Variants in AXDND1 observed in about 807,000 individuals in gnomAD.
AXDND1 encodes the protein axonemal dynein light chain domain containing 1.
AXDND1 carries 110 observed loss-of-function variants against 137.5 expected under a neutral mutation model. The observed-to-expected ratio is 0.80, with a 90% CI of 0.69 to 0.94. The LOEUF is 0.94. Ranked by LOEUF, AXDND1 falls within the 40% of genes least tolerant of loss-of-function variation. The pLI, the probability that AXDND1 is intolerant of heterozygous loss-of-function variation, is 0.00. For synonymous variants in AXDND1, 414 were observed against 399.7 expected (o/e 1.04, Z -0.43); for missense variants, 1,191 against 1,169.8 (o/e 1.02, Z -0.26).
chr1:179,491,330 G>A (rs1666873235), intron 18 of AXDND1, among the ~76,000 whole-genome samples: 1 of 151,906 alleles, frequency 6.6e-6, no homozygotes, highest in South Asian at 2.1e-4. Context: ...TAAATAAATA[G>A]ATATCAATAA....
At position 179,491,518 on chromosome 1, in the gene AXDND1, T is replaced by G. The variant is rs755652190; in HGVS notation, c.2092-20T>G. On this transcript the variant is annotated intron_variant, in intron 18 of 25. Transcript: ENST00000367618. ...ATTTATTTAAAGTGGGTCATTTGTA[T>G]TATACTCATTTTTTAACAGATGGAT... The G allele has an allele frequency of 4.6e-5, 69 of 1,513,092 alleles. No homozygotes were observed. Among genetic ancestry groups the G allele is most frequent in the Non-Finnish European group, 1.5e-5 (16 of 1,096,532 alleles). 93.7% of individuals were successfully genotyped at this position (1,513,092 alleles called of 1,614,324 possible).
intron 11 of AXDND1, among the ~76,000 whole-genome samples, chr1:179,401,062 C>G (rs1024215884): frequency 4.6e-5 from 7 of 151,220 alleles, no homozygotes; most frequent in Non-Finnish European, 7.4e-5. Flanking sequence ...AGTTCGAGAC[C>G]AGCCTGACCA....
intron 21 of AXDND1, among the ~76,000 whole-genome samples, chr1:179,510,996 GT>G (rs1668989160): frequency 6.7e-6 from 1 of 149,956 alleles, no homozygotes; most frequent in Admixed American, 6.7e-5. Context: ...AACATATGGT[GT>G]TTCGTTTTCC....
At chr1:179,418,341 G>T (rs2125251294) in intron 12 of AXDND1, among the ~76,000 whole-genome samples, 1 of 152,316 alleles carries the variant, frequency 6.6e-6, no homozygotes, top group East Asian at 1.9e-4. Flanking sequence ...CAAGGCAGAA[G>T]AATTTTTCTT....
intron 12 of AXDND1, among the ~76,000 whole-genome samples, chr1:179,418,701 C>A (rs1184998620): frequency 1.3e-5 from 2 of 151,006 alleles, no homozygotes; most frequent in Non-Finnish European, 3.0e-5. Flanking sequence ...GACGGGGCGG[C>A]TGGCCGGGCG....
At chr1:179,390,094 A>C (rs1649911088) in intron 9 of AXDND1, among the ~76,000 whole-genome samples, 1 of 151,738 alleles carries the variant, frequency 6.6e-6, no homozygotes, top group South Asian at 2.1e-4. Flanking sequence ...GCTCACTGCA[A>C]CCTCTGCCTC....
At chr1:179,523,424 A>G (rs550395060) in intron 21 of AXDND1, among the ~76,000 whole-genome samples, 1 of 152,330 alleles carries the variant, frequency 6.6e-6, no homozygotes, top group South Asian at 2.1e-4. Context: ...TGTACAATTC[A>G]GTAATAGTTT....
At chr1:179,414,431 A>T (rs1340711654) in intron 12 of AXDND1, among the ~76,000 whole-genome samples, 9 of 151,450 alleles carry the variant, frequency 5.9e-5, no homozygotes, top group African/African-American at 2.2e-4. Flanking sequence ...TTATTTATTT[A>T]TTTATTTTTT....
At chr1:179,376,503 C>T (rs1045026171) in intron 4 of AXDND1, among the ~76,000 whole-genome samples, 3 of 152,158 alleles carry the variant, frequency 2.0e-5, no homozygotes, top group Admixed American at 6.5e-5. Context: ...TTCAGTTTGC[C>T]GAAGTCACCA....
chr1:179,525,273 G>A, intron 21 of AXDND1, 61 bp from the exon 22 acceptor site: 1 of 1,478,738 alleles, frequency 6.8e-7, no homozygotes, highest in South Asian at 1.3e-5. Flanking sequence ...TAAATATTTT[G>A]AACAAATAAT....
intron 15 of AXDND1, among the ~76,000 whole-genome samples, chr1:179,442,189 C>T (rs983651441): frequency 3.9e-5 from 6 of 152,122 alleles, no homozygotes; most frequent in Non-Finnish European, 8.8e-5. Flanking sequence ...CAAACGAGGC[C>T]GTACAGATGT....
chr1:179,389,437 C>A (rs994028081), intron 9 of AXDND1, among the ~76,000 whole-genome samples: 3 of 152,104 alleles, frequency 2.0e-5, no homozygotes, highest in Non-Finnish European at 4.4e-5. Context: ...GCCATGGGAT[C>A]CTCAGGGCAT....
chr1:179,511,182 G>T (rs1191669273), intron 21 of AXDND1, among the ~76,000 whole-genome samples: 2 of 151,042 alleles, frequency 1.3e-5, no homozygotes, highest in African/African-American at 4.9e-5. Context: ...AAAAAAAAAA[G>T]TTTCTCCAGT....
intron 17 of AXDND1, among the ~76,000 whole-genome samples, chr1:179,475,605 G>A (rs568226634): frequency 4.7e-4 from 71 of 152,318 alleles, no homozygotes; most frequent in African/African-American, 1.7e-3. Context: ...TACCTGCATT[G>A]TATCTTGGAA....
Position 179,376,504 on chromosome 1 carries a change from G to A in AXDND1, c.375-2133G>A, listed in dbSNP as rs1490629622. On this transcript the variant is annotated intron_variant, in intron 4 of 25. Transcript: ENST00000367618. ...AACTATACTACATTTTCAGTTTGCCGAAGTCACCATGTGCTGTTGTGTCTC... is the reference window on the plus strand; with the variant it reads ...AACTATACTACATTTTCAGTTTGCCAAAGTCACCATGTGCTGTTGTGTCTC... Among the ~76,000 whole-genome samples the A allele has an allele frequency of 3.9e-5, 6 of 152,270 alleles. No homozygotes were observed. The South Asian group carries it at 6.2e-4, about 16-fold the overall frequency.
Position 179,370,073 on chromosome 1 carries a change from T to A in AXDND1, c.369T>A (p.Ala123=). ...ACCATCCCGTCTCCCTCACAGGAGC[T>A]GGAAGGTAAAGAAGGAAGATAGTAG... ...LIDHPVSLTG[A]GRDISFLYDV... is the part of the protein sequence containing the mutation. The change falls in exon 4 of 26, where the codon GCT becomes GCA. Residue 123 remains alanine (A), a synonymous_variant. Coordinates refer to ENST00000367618, the MANE Select transcript of AXDND1 (RefSeq NM_144696.6). 2 of 1,607,826 alleles carry A rather than the reference T, an allele frequency of 1.2e-6. No homozygotes were observed. Among genetic ancestry groups the A allele is most frequent in the East Asian group, 2.2e-5 (1 of 44,842 alleles).
intron 3 of AXDND1, among the ~76,000 whole-genome samples, chr1:179,369,232 C>G (rs964382702): frequency 6.6e-6 from 1 of 152,038 alleles, no homozygotes; most frequent in Non-Finnish European, 1.5e-5. Context: ...TCTGTGCCAC[C>G]ACACCTGGCT....
intron 18 of AXDND1, among the ~76,000 whole-genome samples, chr1:179,489,640 G>A (rs1343305409): frequency 6.6e-6 from 1 of 151,828 alleles, no homozygotes; most frequent in Non-Finnish European, 1.5e-5. Flanking sequence ...AAATTCAGGT[G>A]TCAAATACAT....
intron 17 of AXDND1, among the ~76,000 whole-genome samples, chr1:179,482,820 A>G (rs1346573250): frequency 1.3e-5 from 2 of 151,780 alleles, no homozygotes; most frequent in Non-Finnish European, 2.9e-5. Context: ...TTCTTCTCAC[A>G]TAGTACTGGC....
Sources: allele counts gnomAD v4.1 joint callset (sites outside exome capture counted in the v4.1 genomes callset), GRCh38; gene constraint gnomAD v4.1.1; transcripts MANE v1.5; gene names NCBI Gene and HGNC (gene_info 2026-07-23, HGNC 2026-07-21).